The following WNK1 variants were observed in gnomAD, a reference collection of about 807,000 sequenced individuals.
WNK1 encodes WNK lysine deficient protein kinase 1, also known as serine/threonine-protein kinase WNK1.
A neutral mutation model predicts 222.8 loss-of-function variants in WNK1; 38 were observed. That is an observed-to-expected ratio of 0.17 (90% confidence interval 0.13 to 0.22). The LOEUF (loss-of-function observed/expected upper bound fraction) is 0.22, where lower values mean the gene tolerates loss of function less well. Among genes scored for constraint, WNK1 ranks in the 10% least tolerant of loss-of-function variants. The pLI is 1.00. For missense variants in WNK1, 2,348 were observed against 2,918.4 expected, an observed-to-expected ratio of 0.80 and a Z score of 4.50; for synonymous variants, 1,090 against 1,092.9, an observed-to-expected ratio of 1.00 and a Z score of 0.05.
rs1038919868 is a variant in WNK1, at chr12:807,804, C to G, written c.760-5838C>G. On this transcript the variant is annotated intron_variant, in intron 1 of 27. Coordinates refer to ENST00000315939, the MANE Select transcript of WNK1 (RefSeq NM_018979.4). ...GCGCAATCTCGGCTCACTGCAAGCT[C>G]CGCCTCCCGGGTTCACGCCATTCTC... Among the ~76,000 whole-genome samples the G allele has an allele frequency of 2.0e-5, 3 of 148,848 alleles. 1 individual carries two copies. The highest frequency in any genetic ancestry group is 3.0e-5 in the Non-Finnish European group (2 of 67,574).
At chr12:824,002 G>A (rs1791039193) in intron 2 of WNK1, among the ~76,000 whole-genome samples, 1 of 149,590 alleles carries the variant, frequency 6.7e-6, no homozygotes, top group Non-Finnish European at 1.5e-5. Context: ...TGCCTCCCGG[G>A]TTCAAGCGAT....
rs1771827665 is a variant in WNK1 at position 911,109 on chromosome 12, G to A, written c.*2317G>A. 2.5e-6 allele frequency: 1 copy of A among 394,108 alleles called. No homozygotes were observed. The highest frequency in any genetic ancestry group is 4.4e-5 in the Admixed American group (1 of 22,620). 24.4% of individuals were successfully genotyped at this position (394,108 alleles called of 1,614,324 possible). On this transcript the variant is annotated 3_prime_UTR_variant, in exon 28 of 28. Coordinates refer to ENST00000315939, the MANE Select transcript of WNK1 (RefSeq NM_018979.4). ...GTCAGAACTGGTGTTATTTACTGTT[G>A]ATTTCATCCTCCTGTGTATGAAATA...
chr12:771,019 G>A (rs1412113520), intron 1 of WNK1, among the ~76,000 whole-genome samples: 2 of 151,928 alleles, frequency 1.3e-5, no homozygotes, highest in Non-Finnish European at 2.9e-5. Context: ...TTTGGAGACG[G>A]AGTCTTCGCT....
rs537375378 is a variant in WNK1, at chr12:837,060, G to A, written c.1311+6900G>A. Among the ~76,000 whole-genome samples the A allele has an allele frequency of 3.3e-5, 5 of 152,184 alleles. No individual in the cohort carries two copies. In the East Asian group the frequency reaches 7.7e-4, roughly 24 times the overall value. ...AACTTCAGCCAAATTAAATTTAAAGGCGTTTAATTGAGCAATGAACGATTC... is the reference window on the plus strand; with the variant it reads ...AACTTCAGCCAAATTAAATTTAAAGACGTTTAATTGAGCAATGAACGATTC... On this transcript the variant is annotated intron_variant, in intron 4 of 27. Transcript: ENST00000315939.
chr12:787,571 T>C (rs533578347), intron 1 of WNK1, among the ~76,000 whole-genome samples: 1 of 152,352 alleles, frequency 6.6e-6, no homozygotes, highest in South Asian at 2.1e-4. Context: ...TTCTTGTGGG[T>C]TCCTGTGTTT....
intron 1 of WNK1, among the ~76,000 whole-genome samples, chr12:776,677 G>C (rs963463204): frequency 2.0e-5 from 3 of 151,948 alleles, no homozygotes; most frequent in Admixed American, 2.0e-4. Flanking sequence ...TGATCTGCCC[G>C]CCTTGGCCTC....
intron 5 of WNK1, 135 bp downstream of exon 5, chr12:857,384 AG>A: frequency 1.2e-6 from 1 of 864,836 alleles, no homozygotes; most frequent in African/African-American, 1.7e-5. Context: ...ACATTTTTAA[AG>A]GTAGGGTTTT....
chr12:799,773 C>T (rs1284103310), intron 1 of WNK1, among the ~76,000 whole-genome samples: 2 of 152,120 alleles, frequency 1.3e-5, no homozygotes, highest in East Asian at 3.9e-4. Flanking sequence ...CAACCTCTGC[C>T]TCCCGGGTTC....
chr12:829,405 C>T (rs1948622473), intron 3 of WNK1, among the ~76,000 whole-genome samples: 1 of 152,062 alleles, frequency 6.6e-6, no homozygotes, highest in African/African-American at 2.4e-5. Flanking sequence ...TGGTGAGTGG[C>T]CTTTGGAGAC....
chr12:788,810 C>T (rs1038026216), intron 1 of WNK1, among the ~76,000 whole-genome samples: 1 of 151,622 alleles, frequency 6.6e-6, no homozygotes, highest in Non-Finnish European at 1.5e-5. Flanking sequence ...TTGCTTGAAC[C>T]CAGGAGGCGG....
chr12:771,728 C>T (rs1340778351), intron 1 of WNK1, among the ~76,000 whole-genome samples: 1 of 152,174 alleles, frequency 6.6e-6, no homozygotes, highest in Non-Finnish European at 1.5e-5. Flanking sequence ...AGCCTCTGCA[C>T]CCAGCCTTAA....
intron 1 of WNK1, among the ~76,000 whole-genome samples, chr12:806,957 T>C (rs1237938512): frequency 6.6e-6 from 1 of 152,322 alleles, no homozygotes; most frequent in East Asian, 1.9e-4. Flanking sequence ...CTTTCAGGTT[T>C]TGTTTTTCCT....
Position 862,097 on chromosome 12 carries a change from G to T in WNK1, c.1966G>T (p.Asp656Tyr), listed in dbSNP as rs746751883. 10 of 1,613,812 alleles carry T rather than the reference G, an allele frequency of 6.2e-6. No homozygotes were observed. The highest frequency in any genetic ancestry group is 5.5e-5 in the South Asian group (5 of 91,066). The change falls in exon 8 of 28, where the codon GAC becomes TAC. Residue 656 changes from aspartate (D) to tyrosine (Y), a missense_variant. Physicochemically the swap from Asp to Tyr is radical, Grantham distance 160 (BLOSUM62 -3). Coordinates refer to ENST00000315939, the MANE Select transcript of WNK1 (RefSeq NM_018979.4). ...SISVLSDGTV[D>Y]SGQGSSVFTE... ...TTTTCCTTCAGCTGATGGGACGGTTGACAGTGGTCAGGGATCCTCTGTCTT... is the reference window on the plus strand; with the variant it reads ...TTTTCCTTCAGCTGATGGGACGGTTTACAGTGGTCAGGGATCCTCTGTCTT...
chr12:753,316 T>G lies in WNK1; in HGVS notation c.-250T>G. The G allele has an allele frequency of 5.4e-6, 3 of 559,458 alleles. No homozygotes were observed. Among genetic ancestry groups the G allele is most frequent in the Non-Finnish European group, 9.4e-6 (3 of 317,664 alleles). 34.7% of individuals were successfully genotyped at this position (559,458 alleles called of 1,614,324 possible). A position where few individuals can be genotyped will look rare whatever the true frequency, so the allele number is the denominator to read the frequency against. ...GCGGCGCTAACCCCCGTGGCTCAGC[T>G]CCCGAATCGCCCGCCTTCGAGCCCT... On this transcript the variant is annotated 5_prime_UTR_variant, in exon 1 of 28. Transcript: ENST00000315939. This position sits in a 1 kb window ranked among gnomAD's most constrained non-coding sequence, Gnocchi z 5.2.
At chr12:772,809 C>G (rs1203625866) in intron 1 of WNK1, among the ~76,000 whole-genome samples, 1 of 152,056 alleles carries the variant, frequency 6.6e-6, no homozygotes, top group Non-Finnish European at 1.5e-5. Flanking sequence ...ATTTTTTTCA[C>G]TTCCAGTCTT....
intron 1 of WNK1, among the ~76,000 whole-genome samples, chr12:775,332 G>A (rs1211675544): frequency 6.6e-6 from 1 of 152,130 alleles, no homozygotes; most frequent in East Asian, 1.9e-4. Context: ...AGTCTTTCTT[G>A]TAACACAAAT....
At chr12:874,519 T>TGAC (rs2154076706) in intron 9 of WNK1, among the ~76,000 whole-genome samples, 1 of 152,342 alleles carries the variant, frequency 6.6e-6, no homozygotes, top group African/African-American at 2.4e-5. Context: ...TGCTCATTTT[T>TGAC]GACAGTCCTT....
intron 7 of WNK1, 135 bp downstream of exon 7, chr12:861,478 GTCTAGCTTCTCTTTAT>G (rs1951214125): frequency 1.3e-6 from 1 of 786,412 alleles, no homozygotes; most frequent in Admixed American, 2.3e-5. Flanking sequence ...AATGGTTGTC[GTCTAGCTTCTCTTTAT>G]TCTTATATCT....
intron 2 of WNK1, among the ~76,000 whole-genome samples, chr12:824,399 G>A (rs1293939301): frequency 6.6e-6 from 1 of 151,952 alleles, no homozygotes; most frequent in African/African-American, 2.4e-5. Flanking sequence ...GGAGCAGATT[G>A]GATTCCTTCT....
Sources: allele counts gnomAD v4.1 joint callset (sites outside exome capture counted in the v4.1 genomes callset), GRCh38; gene constraint gnomAD v4.1.1; non-coding constraint Gnocchi (gnomAD v3.1); transcripts MANE v1.5; gene names NCBI Gene and HGNC (gene_info 2026-07-23, HGNC 2026-07-21).